The following KDM4C variants were observed in gnomAD, a reference collection of about 807,000 sequenced individuals.
The protein encoded by KDM4C is lysine-specific demethylase 4C.
A neutral mutation model predicts 129.3 loss-of-function variants in KDM4C; 81 were observed. The ratio of observed to expected loss-of-function variants is 0.63; its 90% CI spans 0.52 to 0.75. The LOEUF (loss-of-function observed/expected upper bound fraction) is 0.75, where lower values mean the gene tolerates loss of function less well. Ranked by LOEUF, KDM4C falls within the 30% of genes least tolerant of loss-of-function variation. The pLI is 0.00. For synonymous variants in KDM4C, 573 were observed against 456.1 expected (o/e 1.26, Z -3.26); for missense variants, 1,457 against 1,304.0 (o/e 1.12, Z -1.81).
chr9:6,900,675 G>C (rs201422362), intron 8 of KDM4C, among the ~76,000 whole-genome samples: 1 of 152,232 alleles, frequency 6.6e-6, no homozygotes, highest in African/African-American at 2.4e-5. Flanking sequence ...TTTTGGATTC[G>C]TCTTCTCTGT....
At chr9:6,893,474 C>A in intron 8 of KDM4C, 1 of 305,892 alleles carries the variant, frequency 3.3e-6, no homozygotes, top group Non-Finnish European at 6.0e-6. Context: ...TAATTTGATG[C>A]GACGTGTGTT....
intron 2 of KDM4C, among the ~76,000 whole-genome samples, chr9:6,799,984 A>G (rs1828621896): frequency 6.6e-6 from 1 of 152,008 alleles, no homozygotes. Context: ...GCACTTTGGG[A>G]GGCCAAGGTG....
At chr9:6,951,501 C>T (rs190004205) in intron 8 of KDM4C, among the ~76,000 whole-genome samples, 47 of 152,150 alleles carry the variant, frequency 3.1e-4, no homozygotes, top group African/African-American at 1.1e-3. Context: ...TGGGAGTCGG[C>T]TTTCTATGAA....
At chr9:6,980,889 A>G in intron 8 of KDM4C, 36 bp from the exon 9 acceptor site, 3 of 1,598,854 alleles carry the variant, frequency 1.9e-6, no homozygotes, top group Middle Eastern at 3.3e-4. Context: ...ATAGTTAGCG[A>G]AACGTTTAAC....
intron 17 of KDM4C, among the ~76,000 whole-genome samples, chr9:7,087,490 C>T (rs1240284763): frequency 6.6e-6 from 1 of 151,866 alleles, no homozygotes; most frequent in Admixed American, 6.6e-5. Context: ...GTATAATAGC[C>T]AAACTAGAGG....
intron 2 of KDM4C, 89 bp from the exon 3 acceptor site, chr9:6,805,510 T>C: frequency 1.3e-6 from 1 of 798,712 alleles, no homozygotes; most frequent in East Asian, 2.9e-5. Flanking sequence ...ACTGAGAAAT[T>C]CTTCAGTTGT....
At chr9:6,757,862 G>GA (rs1563935632), upstream of KDM4C, 1 of 985,648 alleles carries the variant, frequency 1.0e-6, no homozygotes. Context: ...CGCGGAAGTT[G>GA]AGCCCAAAGC....
At position 6,729,472 on chromosome 9, in the gene KDM4C, G is replaced by A. The variant is rs760604160; in HGVS notation, c.49+8475G>A. On this transcript the variant is annotated intron_variant, in intron 1 of 17. Coordinates refer to the KDM4C transcript ENST00000536108. ...GGGAGGACTGCTTGAGCCCAGGGGA[G>A]TGGGGCGGAGGTTGCAGTGAGCCAA... Among the ~76,000 whole-genome samples the A allele has an allele frequency of 2.3e-5, 3 of 130,298 alleles. 1 individual carries two copies. Among genetic ancestry groups the A allele is most frequent in the African/African-American group, 6.7e-5 (2 of 29,990 alleles). The allele number at this position is 130,298 out of a possible 152,430, so 85.5% of individuals were successfully genotyped here.
intron 4 of KDM4C, chr9:6,834,570 A>G (rs1835515769): frequency 1.4e-6 from 1 of 717,160 alleles, no homozygotes; most frequent in Non-Finnish European, 2.6e-6. Context: ...TGGCACCCCA[A>G]GCACCAGGGC....
chr9:6,975,995 G>A lies in KDM4C; in HGVS notation c.922-4930G>A, dbSNP rs531014064. 1.2e-4 allele frequency among the ~76,000 whole-genome samples: 19 copies of A among 152,280 alleles called. No homozygotes were observed. The East Asian group carries it at 2.1e-3, about 17-fold the overall frequency. ...AGAGGTTGCAGTGAGCCGAGATTGCGCCACTGTACTCCAGCCTGGGTGACA... is the reference window on the plus strand; with the variant it reads ...AGAGGTTGCAGTGAGCCGAGATTGCACCACTGTACTCCAGCCTGGGTGACA... On this transcript the variant is annotated intron_variant, in intron 8 of 21. Coordinates refer to ENST00000381309, the MANE Select transcript of KDM4C (RefSeq NM_015061.6).
intron 12 of KDM4C, among the ~76,000 whole-genome samples, chr9:7,003,432 GTTTT>G (rs76432143): frequency 7.7e-6 from 1 of 130,614 alleles, no homozygotes; most frequent in Non-Finnish European, 1.7e-5. Flanking sequence ...TATCATGGGT[GTTTT>G]TTTTTTTTTT....
chr9:6,870,833 G>A (rs1025080204), intron 5 of KDM4C, among the ~76,000 whole-genome samples: 4 of 152,196 alleles, frequency 2.6e-5, no homozygotes, highest in South Asian at 2.1e-4. Flanking sequence ...TTAGTTAGGC[G>A]CAGGGAGTAT....
chr9:6,988,133 T>A (rs1468748028), intron 11 of KDM4C, among the ~76,000 whole-genome samples: 1 of 125,762 alleles, frequency 8.0e-6, no homozygotes, highest in African/African-American at 3.1e-5. Context: ...CTAGCCTGGG[T>A]GACAGAGTGA....
chr9:6,740,403 C>A (rs554855881), intron 1 of KDM4C, among the ~76,000 whole-genome samples: 1 of 152,080 alleles, frequency 6.6e-6, no homozygotes, highest in East Asian at 1.9e-4. Flanking sequence ...TGGGGTTTCA[C>A]CGTGTTAGCC....
intron 5 of KDM4C, among the ~76,000 whole-genome samples, chr9:6,869,501 TTG>T (rs1290598172): frequency 5.3e-5 from 8 of 152,232 alleles, no homozygotes; most frequent in Non-Finnish European, 7.3e-5. Flanking sequence ...CAGGGCTTTC[TTG>T]TATAGTGCTC....
At chr9:6,860,468 T>G (rs1313439869) in intron 5 of KDM4C, among the ~76,000 whole-genome samples, 1 of 152,218 alleles carries the variant, frequency 6.6e-6, no homozygotes, top group African/African-American at 2.4e-5. Context: ...AGGAGTTAAG[T>G]GTACTTTATC....
At position 6,984,209 on chromosome 9, in the gene KDM4C, G is replaced by C; in HGVS notation, c.1159G>C (p.Glu387Gln). ...RSTSKRPKAD[E>Q]EEEVSDEVDG... is the part of the protein sequence containing the mutation. Reference sequence around the variant, plus strand: ...TACCTCTAAAAGGCCTAAGGCTGATGAGGAAGAGGAAGTGTCAGATGAAGT... The same window carrying C: ...TACCTCTAAAAGGCCTAAGGCTGATCAGGAAGAGGAAGTGTCAGATGAAGT... Residue 387 changes from glutamate to glutamine, a missense_variant, in exon 10 of 22, where the codon GAG becomes CAG. Transcript: ENST00000381309. 6.2e-7 allele frequency: 1 copy of C among 1,613,810 alleles called. No homozygotes were observed. Among genetic ancestry groups the C allele is most frequent in the Non-Finnish European group, 8.5e-7 (1 of 1,179,766 alleles).
At chr9:7,143,776 C>A (rs575326532) in intron 19 of KDM4C, among the ~76,000 whole-genome samples, 3 of 152,172 alleles carry the variant, frequency 2.0e-5, no homozygotes, top group Non-Finnish European at 4.4e-5. Flanking sequence ...TAGATTGATT[C>A]ATTATCCACT....
chr9:6,870,123 T>A (rs1842633741), intron 5 of KDM4C, among the ~76,000 whole-genome samples: 1 of 152,208 alleles, frequency 6.6e-6, no homozygotes. Flanking sequence ...TACTTTACTT[T>A]TTGATTCATA....
Sources: gnomAD v4.1 joint callset for allele counts (sites outside exome capture counted in the v4.1 genomes callset) on GRCh38, gnomAD v4.1.1 for gene constraint, MANE v1.5 for transcripts, NCBI Gene and HGNC (gene_info 2026-07-23, HGNC 2026-07-21) for gene names.